Variants in INSRR observed in about 807,000 individuals in gnomAD.
INSRR encodes the protein insulin receptor related receptor, also known as insulin receptor-related protein.
A neutral mutation model predicts 130.0 loss-of-function variants in INSRR; 114 were observed. The ratio of observed to expected loss-of-function variants is 0.88; its 90% confidence interval spans 0.75 to 1.02. The LOEUF (loss-of-function observed/expected upper bound fraction) is 1.02. INSRR is among the 50% of genes least tolerant of loss of function. The pLI, the probability that INSRR is intolerant of heterozygous loss-of-function variation, is 0.00. For missense variants in INSRR, 1,657 were observed against 1,735.2 expected, an observed-to-expected ratio of 0.95 and a Z score of 0.80; for synonymous variants, 674 against 705.2, an observed-to-expected ratio of 0.96 and a Z score of 0.70.
chr1:156,856,884 A>G (rs997374881), intron 1 of INSRR, among the ~76,000 whole-genome samples: 1 of 152,054 alleles, frequency 6.6e-6, no homozygotes, highest in African/African-American at 2.4e-5. Flanking sequence ...CTTGCTCCCA[A>G]GAGGACCTTC....
In INSRR at chr1:156,846,657, GCTC is replaced by G. The variant is rs1407429163; in HGVS notation, c.1669_1671del (p.Glu557del). The stretch of plus-strand genomic sequence containing the variant: ...TTGAGGGAGGCTAGGGTCACCCCTG[GCTC>G]CTGGGTGCGGCTTAGGGGCAGCTCC... On this transcript the variant is annotated inframe_deletion, in exon 8 of 22. Transcript: ENST00000368195. 10 of 1,614,138 alleles carry G rather than the reference GCTC, an allele frequency of 6.2e-6. No homozygotes were observed. The highest frequency in any genetic ancestry group is 8.5e-6 in the Non-Finnish European group (10 of 1,180,002).
intron 6 of INSRR, 87 bp downstream of exon 6, chr1:156,849,159 G>C: frequency 6.2e-7 from 1 of 1,600,382 alleles, no homozygotes; most frequent in African/African-American, 1.3e-5. Context: ...ACTTCTCAGA[G>C]TGTCCCCCTC....
At chr1:156,849,212 C>T (rs1015164149) in intron 6 of INSRR, 34 bp downstream of exon 6, 2 of 1,609,836 alleles carry the variant, frequency 1.2e-6, no homozygotes, top group South Asian at 1.1e-5. Flanking sequence ...AGTGTGTGGC[C>T]GCGTGTCCAC....
chr1:156,855,804 G>A (rs12023476), intron 1 of INSRR, among the ~76,000 whole-genome samples: 1 of 152,212 alleles, frequency 6.6e-6, no homozygotes, highest in East Asian at 1.9e-4. Flanking sequence ...CAGCCTGGGC[G>A]ACAGAGTGAG....
intron 1 of INSRR, among the ~76,000 whole-genome samples, chr1:156,855,918 C>CGTGT (rs57540966): frequency 0.015 from 2,195 of 149,448 alleles, 55 homozygotes; most frequent in African/African-American, 0.051. Context: ...GACTAATGTG[C>CGTGT]GTGTGTGTGT....
chr1:156,842,742 T>C (rs1158523085), intron 17 of INSRR, among the ~76,000 whole-genome samples: 1 of 152,164 alleles, frequency 6.6e-6, no homozygotes, highest in Non-Finnish European at 1.5e-5. Context: ...TTGAGCCCAA[T>C]CAGGACTCTA....
At chr1:156,843,382 T>C (rs1654873462) in intron 16 of INSRR, 45 bp downstream of exon 16, 1 of 1,602,030 alleles carries the variant, frequency 6.2e-7, no homozygotes, top group Middle Eastern at 1.7e-4. Context: ...GCTCCTCTCC[T>C]GTCTCCCTTT....
rs547959873 is a variant in INSRR, at chr1:156,842,456, T to C, written c.3179A>G (p.Glu1060Gly). 58 of 1,614,028 alleles carry C rather than the reference T, an allele frequency of 3.6e-5. No homozygotes were observed. The highest frequency in any genetic ancestry group is 1.2e-4 in the South Asian group (11 of 91,084). The change falls in exon 18 of 22, where the codon GAG (glutamate) becomes GGG (glycine). Residue 1060 changes from glutamate (E) to glycine (G), a missense_variant. Glu to Gly is a moderately conservative substitution (Grantham distance 98). Transcript: ENST00000368195. ...CTTGAGGTCCCCACGGGTCATTAAC[T>C]CCATGATGACCAGAGTTGGCTGGCC... ...SQGQPTLVIM[E>G]LMTRGDLKSH...
At position 156,844,624 on chromosome 1, in the gene INSRR, C is replaced by T; in HGVS notation, c.2575G>A (p.Glu859Lys). The part of the protein sequence containing the change: ...YEIKYRRLGE[E>K]ATVLCVSRLR... Reference sequence around the variant, plus strand: ...CGGGACACACACAGCACTGTGGCCTCCTGAGAGTAACGCAGAACAGCTGGC... The same window carrying T: ...CGGGACACACACAGCACTGTGGCCTTCTGAGAGTAACGCAGAACAGCTGGC... Residue 859 changes from glutamate (E) to lysine (K), a missense_variant and splice_region_variant, in exon 14 of 22, where the codon GAG (glutamate) becomes AAG (lysine). By Grantham distance (56) the Glu-to-Lys change is moderately conservative (BLOSUM62 1). Coordinates refer to ENST00000368195, the MANE Select transcript of INSRR (RefSeq NM_014215.3). 6.2e-7 allele frequency: 1 copy of T among 1,614,142 alleles called. No individual in the cohort carries two copies.
In INSRR at chr1:156,845,749, C is replaced by T. The variant is rs1157483318; in HGVS notation, c.2044G>A (p.Glu682Lys). 3 of 1,613,634 alleles carry T rather than the reference C, an allele frequency of 1.9e-6. No homozygotes were observed. The highest frequency in any genetic ancestry group is 1.7e-5 in the Admixed American group (1 of 60,020). ...CAAGGGCAGCAGTCGGACTCCATCT[C>T]GGCCTCAGGATCCCCGTCTTCGCCG... Reference protein sequence around the residue: ...FDGEDGDPEAEMESDCCPCQH... With the variant: ...FDGEDGDPEAKMESDCCPCQH... Residue 682 changes from glutamate (E) to lysine (K), a missense_variant, in exon 10 of 22, where the codon GAG becomes AAG. Coordinates refer to ENST00000368195, the MANE Select transcript of INSRR (RefSeq NM_014215.3).
chr1:156,857,297 A>G (rs1031780818), intron 1 of INSRR, among the ~76,000 whole-genome samples: 2 of 152,124 alleles, frequency 1.3e-5, no homozygotes, highest in Non-Finnish European at 2.9e-5. Context: ...GGCAAAAGCC[A>G]ATCAGGCTCT....
At chr1:156,848,626 T>C (rs1655091342) in intron 7 of INSRR, among the ~76,000 whole-genome samples, 1 of 152,124 alleles carries the variant, frequency 6.6e-6, no homozygotes, top group Non-Finnish European at 1.5e-5. Flanking sequence ...TGTAGAACAT[T>C]AGCATAATGA....
In INSRR at chr1:156,846,130, G is replaced by T; in HGVS notation, c.1811-11C>A. On this transcript the variant is annotated splice_polypyrimidine_tract_variant and intron_variant, in intron 8 of 21. Coordinates refer to ENST00000368195, the MANE Select transcript of INSRR (RefSeq NM_014215.3). ...GGGGCACCGTGGGAGCTAGGAGTGCGAGAAGGATGCAACTCAGGGGTGTGG... is the reference window on the plus strand; with the variant it reads ...GGGGCACCGTGGGAGCTAGGAGTGCTAGAAGGATGCAACTCAGGGGTGTGG... 1.3e-6 allele frequency: 2 copies of T among 1,576,136 alleles called. No individual in the cohort carries two copies. The highest frequency in any genetic ancestry group is 2.4e-5 in the South Asian group (2 of 84,636).
intron 2 of INSRR, among the ~76,000 whole-genome samples, chr1:156,852,624 G>A (rs544506384): frequency 3.5e-4 from 54 of 152,344 alleles, no homozygotes; most frequent in African/African-American, 1.2e-3. Flanking sequence ...TTTTACCCAT[G>A]CTCCTGCCCA....
chr1:156,854,316 A>C lies in INSRR; in HGVS notation c.86-13T>G. 1 of 1,597,770 alleles carries C rather than the reference A, an allele frequency of 6.3e-7. No individual in the cohort carries two copies. Among genetic ancestry groups the C allele is most frequent in the Admixed American group, 1.7e-5 (1 of 59,434 alleles). On this transcript the variant is annotated splice_polypyrimidine_tract_variant and intron_variant, in intron 1 of 21. Coordinates refer to ENST00000368195, the MANE Select transcript of INSRR (RefSeq NM_014215.3). This position sits in a 1 kb window ranked among gnomAD's most constrained non-coding sequence, Gnocchi z 4.2. ...AGGCTGGGGCACACTGTGGGCATAC[A>C]CGGCACGCAGCATTGAGTACAGCCC...
rs1654926366 is a variant in INSRR, at chr1:156,844,699, GCACCTACC to G, written c.2574_2574+7del. 6.2e-7 allele frequency: 1 copy of G among 1,614,040 alleles called. No individual in the cohort carries two copies. The highest frequency in any genetic ancestry group is 8.5e-7 in the Non-Finnish European group (1 of 1,180,030). ...CGGGGCTGGGACGGGGGTCCCACGG[GCACCTACC>G]TCTCCCAAGCGGCGGTACTTGATTT... On this transcript the variant is annotated splice_donor_variant and splice_donor_5th_base_variant and coding_sequence_variant and intron_variant, in exon 13 of 22. Coordinates refer to ENST00000368195, the MANE Select transcript of INSRR (RefSeq NM_014215.3). LOFTEE classifies it high-confidence loss of function.
chr1:156,848,955 C>G lies in INSRR; in HGVS notation c.1537G>C (p.Asp513His). The G allele has an allele frequency of 6.3e-7, 1 of 1,598,256 alleles. No individual in the cohort carries two copies. Among genetic ancestry groups the G allele is most frequent in the Non-Finnish European group, 8.5e-7 (1 of 1,172,858 alleles). Residue 513 changes from aspartate (D) to histidine (H), a missense_variant, in exon 7 of 22, where the codon GAC becomes CAC. Physicochemically the swap from Asp to His is moderately conservative, Grantham distance 81. Coordinates refer to ENST00000368195, the MANE Select transcript of INSRR (RefSeq NM_014215.3). Reference protein sequence around the residue: ...WERYEPLEARDLLSFIVYYKE... With the variant: ...WERYEPLEARHLLSFIVYYKE... Reference sequence around the variant, plus strand: ...TAGTACACGATGAAGCTGAGCAGGTCGCGGGCCTCCAGTGGCTCATAGCGC... The same window carrying G: ...TAGTACACGATGAAGCTGAGCAGGTGGCGGGCCTCCAGTGGCTCATAGCGC...
Position 156,845,206 on chromosome 1 carries a change from A to C in INSRR, c.2307T>G (p.Arg769=), listed in dbSNP as rs1387901700. ...GCAGGCCGCTCAGCACCGCTCGCTC[A>C]CGGGGCACCTTGTCCTCCTGGATCT... The part of the protein sequence containing the change: ...DFEIQEDKVP[R]ERAVLSGLRH... The change falls in exon 12 of 22, where the codon CGT becomes CGG. Residue 769 remains arginine, a synonymous_variant. Coordinates refer to ENST00000368195, the MANE Select transcript of INSRR (RefSeq NM_014215.3). 2 of 1,609,746 alleles carry C rather than the reference A, an allele frequency of 1.2e-6. No homozygotes were observed. Among genetic ancestry groups the C allele is most frequent in the Non-Finnish European group, 8.5e-7 (1 of 1,178,336 alleles).
In INSRR at chr1:156,840,914, G is replaced by A. The variant is rs752943129; in HGVS notation, c.3853C>T (p.Pro1285Ser). The change falls in exon 22 of 22, where the codon CCA (proline) becomes TCA (serine). Residue 1285 changes from proline (P) to serine (S), a missense_variant. By Grantham distance (74) the Pro-to-Ser change is moderately conservative. Transcript: ENST00000368195. Reference protein sequence around the residue: ...TDAEPDSSPTPRDCSPQNGGP... With the variant: ...TDAEPDSSPTSRDCSPQNGGP... Reference sequence around the variant, plus strand: ...CCATTTTGAGGGCTGCAGTCTCTTGGAGTGGGTGAGGAGTCAGGCTCTGCA... The same window carrying A: ...CCATTTTGAGGGCTGCAGTCTCTTGAAGTGGGTGAGGAGTCAGGCTCTGCA... 1 of 1,614,072 alleles carries A rather than the reference G, an allele frequency of 6.2e-7. No individual in the cohort carries two copies. The highest frequency in any genetic ancestry group is 1.7e-5 in the Admixed American group (1 of 60,024).
Sources: gnomAD v4.1 joint callset for allele counts (sites outside exome capture counted in the v4.1 genomes callset) on GRCh38, gnomAD v4.1.1 for gene constraint, Gnocchi (gnomAD v3.1) non-coding constraint, MANE v1.5 for transcripts, NCBI Gene and HGNC (gene_info 2026-07-23, HGNC 2026-07-21) for gene names.